P2RY8: variants seen among roughly 807,000 people sequenced by gnomAD.
P2RY8 encodes P2Y receptor family member 8.
A neutral mutation model predicts 10.0 loss-of-function variants in P2RY8; 6 were observed. The observed-to-expected ratio is 0.60, with a 90% CI of 0.33 to 1.19. The LOEUF is 1.19. Among genes scored for constraint, P2RY8 ranks in the 50% most tolerant of loss-of-function variants. The pLI, the probability that P2RY8 is intolerant of heterozygous loss-of-function variation, is 0.04. For synonymous variants in P2RY8, 276 were observed against 252.5 expected, an observed-to-expected ratio of 1.09 and a Z score of -0.88; for missense variants, 456 against 542.0, an observed-to-expected ratio of 0.84 and a Z score of 1.58.
chrX:1,465,516 G>C lies in P2RY8; in HGVS notation c.1043C>G (p.Thr348Ser). ...CTCCTGCCTCTGGAGGCCGGGCCTG[G>C]TGGCTCCCTCCATCCCTTCAGGGTG... ...GAHPEGMEGA[T>S]RPGLQRQESV... The change falls in exon 2 of 2, where the codon ACC becomes AGC. Residue 348 changes from threonine (T) to serine (S), a missense_variant. Coordinates refer to ENST00000381297, the MANE Select transcript of P2RY8 (RefSeq NM_178129.5). 1 of 1,610,716 alleles carries C rather than the reference G, an allele frequency of 6.2e-7. No homozygotes were observed. The highest frequency in any genetic ancestry group is 1.1e-5 in the South Asian group (1 of 90,958).
At chrX:1,499,092 C>G (rs1378392025) in intron 1 of P2RY8, among the ~76,000 whole-genome samples, 1 of 151,714 alleles carries the variant, frequency 6.6e-6, no homozygotes, top group African/African-American at 2.4e-5. Flanking sequence ...CTCAGCCTTC[C>G]AAAGTGCTGG....
chrX:1,467,073 C>T (rs1356285661), intron 1 of P2RY8, among the ~76,000 whole-genome samples: 1 of 152,022 alleles, frequency 6.6e-6, no homozygotes, highest in Non-Finnish European at 1.5e-5. Context: ...CACAAAGCCA[C>T]CGTCAGCCCC....
rs2091810409 is a variant in P2RY8, at chrX:1,472,867, A to T, written c.-24-6285T>A. 2.3e-5 allele frequency among the ~76,000 whole-genome samples: 3 copies of T among 131,788 alleles called. 1 individual carries two copies. The highest frequency in any genetic ancestry group is 4.8e-5 in the Non-Finnish European group (3 of 62,076). 86.5% of individuals were successfully genotyped at this position (131,788 alleles called of 152,430 possible). ...GGTGGGTGGATGGATGAGTGGCTAG[A>T]TGGATGAGTGGGTGGATGGGTTGGT... On this transcript the variant is annotated intron_variant, in intron 1 of 1. Coordinates refer to ENST00000381297, the MANE Select transcript of P2RY8 (RefSeq NM_178129.5).
In P2RY8 at chrX:1,464,251, G is replaced by A. The variant is rs758488976; in HGVS notation, c.*1228C>T. Reference sequence around the variant, plus strand: ...CGTGATGTCCCAGCACCCCTGGAGAGTCAGAGCTCTTCTTTGCGCTAAACC... The same window carrying A: ...CGTGATGTCCCAGCACCCCTGGAGAATCAGAGCTCTTCTTTGCGCTAAACC... On this transcript the variant is annotated 3_prime_UTR_variant, in exon 2 of 2. Coordinates refer to ENST00000381297, the MANE Select transcript of P2RY8 (RefSeq NM_178129.5). 8.6e-6 allele frequency: 2 copies of A among 233,404 alleles called. No homozygotes were observed. The highest frequency in any genetic ancestry group is 3.6e-4 in the South Asian group (2 of 5,528). The allele number at this position is 233,404 out of a possible 1,614,324, so 14.5% of individuals were successfully genotyped here. A position where few individuals can be genotyped will look rare whatever the true frequency, so the allele number is the denominator to read the frequency against.
At chrX:1,520,009 AATCTCTCTGGTCCTCAATC>A (rs2092379192) in intron 1 of P2RY8, among the ~76,000 whole-genome samples, 1 of 151,290 alleles carries the variant, frequency 6.6e-6, no homozygotes, top group South Asian at 2.1e-4. Context: ...GGTCCCTAAT[AATCTCTCTGGTCCTCAATC>A]ATCTCTCTCT....
intron 1 of P2RY8, among the ~76,000 whole-genome samples, chrX:1,505,565 C>G (rs180754218): frequency 0.018 from 2,804 of 152,202 alleles, 36 homozygotes; most frequent in Middle Eastern, 0.085. Flanking sequence ...CGAGGCGGGT[C>G]GATCACCTGA....
intron 1 of P2RY8, among the ~76,000 whole-genome samples, chrX:1,512,196 G>C (rs1402848625): frequency 6.6e-6 from 1 of 152,102 alleles, no homozygotes; most frequent in Non-Finnish European, 1.5e-5. Context: ...GAGGTGAAGA[G>C]TCTGAGATTA....
chrX:1,501,315 C>T lies in P2RY8; in HGVS notation c.-24-34733G>A, dbSNP rs1329457967. Among the ~76,000 whole-genome samples the T allele has an allele frequency of 5.3e-5, 8 of 152,278 alleles. No homozygotes were observed. In the East Asian group the frequency reaches 1.4e-3, roughly 26 times the overall value. ...TGACGGTGCTTTGCAGACTTTTGGC[C>T]TGTGTTTGACTTTCTGATGCGTTTT... On this transcript the variant is annotated intron_variant, in intron 1 of 1. Coordinates refer to ENST00000381297, the MANE Select transcript of P2RY8 (RefSeq NM_178129.5).
Position 1,466,079 on chromosome X carries a change from G to T in P2RY8, c.480C>A (p.Arg160=). 6.2e-7 allele frequency: 1 copy of T among 1,611,662 alleles called. No individual in the cohort carries two copies. Residue 160 remains arginine, a synonymous_variant, in exon 2 of 2, where the codon CGC becomes CGA. Transcript: ENST00000381297. The part of the protein sequence containing the change: ...LLLTALSPLA[R]TDLTYPVHAL... ...CGTGCACCGGGTAGGTGAGATCGGT[G>T]CGCGCCAGCGGGGACAGGGCGGTCA...
At chrX:1,526,117 A>T (rs1281470005) in intron 1 of P2RY8, among the ~76,000 whole-genome samples, 45 of 129,438 alleles carry the variant, frequency 3.5e-4, no homozygotes, top group East Asian at 1.7e-3. Flanking sequence ...CACTATTCAG[A>T]CACCCATTCA....
chrX:1,500,594 G>A (rs192418701), intron 1 of P2RY8, among the ~76,000 whole-genome samples: 21 of 150,462 alleles, frequency 1.4e-4, no homozygotes, highest in African/African-American at 4.6e-4. Context: ...CCAGGTACAC[G>A]CCACCACACC....
intron 1 of P2RY8, among the ~76,000 whole-genome samples, chrX:1,521,179 G>A (rs1482456679): frequency 1.3e-5 from 2 of 151,328 alleles, no homozygotes; most frequent in African/African-American, 4.9e-5. Flanking sequence ...GGATTACAGA[G>A]CTGGGTTTAC....
At chrX:1,522,234 C>T (rs760640828) in intron 1 of P2RY8, among the ~76,000 whole-genome samples, 10 of 151,628 alleles carry the variant, frequency 6.6e-5, no homozygotes, top group East Asian at 1.9e-4. Flanking sequence ...GGATGACAGG[C>T]GTGAGCCACC....
chrX:1,510,060 A>G (rs1351936254), intron 1 of P2RY8, among the ~76,000 whole-genome samples: 1 of 151,868 alleles, frequency 6.6e-6, no homozygotes, highest in Non-Finnish European at 1.5e-5. Flanking sequence ...TCATCTATCT[A>G]TCTATCTCAT....
chrX:1,467,612 CTACTT>C (rs1373401499), intron 1 of P2RY8, among the ~76,000 whole-genome samples: 1 of 152,240 alleles, frequency 6.6e-6, no homozygotes, highest in Non-Finnish European at 1.5e-5. Flanking sequence ...CAAAGGGACA[CTACTT>C]TTATTTTGAG....
intron 1 of P2RY8, among the ~76,000 whole-genome samples, chrX:1,481,171 A>ATTTTTTT (rs112989794): frequency 6.7e-6 from 1 of 148,458 alleles, no homozygotes; most frequent in Non-Finnish European, 1.5e-5. Context: ...CACGCAATAC[A>ATTTTTTT]TTTTTTTTTT....
At chrX:1,472,491 G>T in intron 1 of P2RY8, among the ~76,000 whole-genome samples, 1 of 127,022 alleles carries the variant, frequency 7.9e-6, no homozygotes, top group Admixed American at 7.8e-5. Flanking sequence ...TGGGTGGGTG[G>T]ATGGATGGGT....
chrX:1,509,995 T>A (rs2092287287), intron 1 of P2RY8, among the ~76,000 whole-genome samples: 1 of 151,986 alleles, frequency 6.6e-6, no homozygotes, highest in African/African-American at 2.4e-5. Flanking sequence ...CATCTATGTA[T>A]CTATGTATCT....
At chrX:1,520,169 T>C (rs765760686) in intron 1 of P2RY8, among the ~76,000 whole-genome samples, 1 of 151,914 alleles carries the variant, frequency 6.6e-6, no homozygotes, top group East Asian at 2.0e-4. Flanking sequence ...ATATTCTCTG[T>C]GCTCCTCAAT....
Sources: allele counts gnomAD v4.1 joint callset (sites outside exome capture counted in the v4.1 genomes callset), GRCh38; gene constraint gnomAD v4.1.1; transcripts MANE v1.5; gene names NCBI Gene and HGNC (gene_info 2026-07-23, HGNC 2026-07-21).